The following SLIT3 variants were observed in gnomAD, a reference collection of about 807,000 sequenced individuals.
The protein encoded by SLIT3 is slit homolog 3 protein.
A neutral mutation model predicts 184.0 loss-of-function variants in SLIT3; 68 were observed. The observed-to-expected ratio is 0.37, with a 90% confidence interval of 0.30 to 0.45. SLIT3 has a LOEUF of 0.45. Ranked by LOEUF, SLIT3 falls within the 20% of genes least tolerant of loss-of-function variation. The pLI, the probability that SLIT3 is intolerant of heterozygous loss-of-function variation, is 1.00. For synonymous variants in SLIT3, 831 were observed against 828.6 expected (o/e 1.00, Z -0.05); for missense variants, 1,707 against 2,026.0 (o/e 0.84, Z 3.02).
chr5:168,898,482 C>G (rs941534509), intron 4 of SLIT3, among the ~76,000 whole-genome samples: 1 of 151,202 alleles, frequency 6.6e-6, no homozygotes, highest in Non-Finnish European at 1.5e-5. Context: ...ATGGTCCTGG[C>G]TTAGCATATC....
At chr5:169,108,169 T>C (rs1050951222) in intron 4 of SLIT3, among the ~76,000 whole-genome samples, 7 of 152,194 alleles carry the variant, frequency 4.6e-5, no homozygotes, top group Admixed American at 3.9e-4. Flanking sequence ...TCAATGAACA[T>C]GCAGAGTAAA....
intron 4 of SLIT3, among the ~76,000 whole-genome samples, chr5:169,136,910 TG>T (rs1761522793): frequency 6.6e-6 from 1 of 152,166 alleles, no homozygotes; most frequent in Non-Finnish European, 1.5e-5. Context: ...AAAATAGAGA[TG>T]GGGTCTCCCT....
intron 26 of SLIT3, among the ~76,000 whole-genome samples, chr5:168,702,665 T>C (rs190584656): frequency 1.1e-3 from 155 of 137,394 alleles, no homozygotes; most frequent in African/African-American, 4.3e-3. Context: ...GGCAGCTCCA[T>C]AAATAATAGC....
At chr5:168,860,437 G>C (rs1042745953) in intron 5 of SLIT3, among the ~76,000 whole-genome samples, 2 of 152,070 alleles carry the variant, frequency 1.3e-5, no homozygotes, top group Non-Finnish European at 2.9e-5. Flanking sequence ...GGCCTAATGG[G>C]GAGGGATTGA....
intron 3 of SLIT3, among the ~76,000 whole-genome samples, chr5:169,227,620 G>A (rs552051665): frequency 9.9e-5 from 15 of 152,224 alleles, no homozygotes; most frequent in African/African-American, 3.4e-4. Flanking sequence ...TAGAGGCAGG[G>A]TTTCACCGTG....
chr5:168,778,135 G>A (rs1755824528), intron 12 of SLIT3, among the ~76,000 whole-genome samples: 1 of 152,202 alleles, frequency 6.6e-6, no homozygotes, highest in Non-Finnish European at 1.5e-5. Flanking sequence ...TGTAACTGCT[G>A]TGTGAAATGA....
intron 8 of SLIT3, among the ~76,000 whole-genome samples, chr5:168,813,154 T>G (rs1301581572): frequency 6.6e-6 from 1 of 152,130 alleles, no homozygotes; most frequent in Non-Finnish European, 1.5e-5. Flanking sequence ...TTCAAAGACA[T>G]TCAAAGCAAA....
intron 2 of SLIT3, among the ~76,000 whole-genome samples, chr5:169,249,378 G>A (rs1290909098): frequency 1.3e-5 from 2 of 152,194 alleles, no homozygotes; most frequent in Non-Finnish European, 2.9e-5. Context: ...AAGATAAACT[G>A]TAGTCAAAGG....
At chr5:168,950,681 G>A (rs1051847340) in intron 4 of SLIT3, among the ~76,000 whole-genome samples, 3 of 152,178 alleles carry the variant, frequency 2.0e-5, no homozygotes, top group Non-Finnish European at 2.9e-5. Flanking sequence ...ATAATAAAGA[G>A]GGGGAAAACC....
intron 4 of SLIT3, among the ~76,000 whole-genome samples, chr5:169,159,556 A>T (rs1031408024): frequency 1.3e-5 from 2 of 150,776 alleles, no homozygotes; most frequent in Non-Finnish European, 3.0e-5. Context: ...TGGGCGGATC[A>T]CAAGGTCAGC....
rs180768404 is a variant in SLIT3 at position 169,228,351 on chromosome 5, G to A, written c.341+16354C>T. ...TGCCATTTAAGAGAGATTTTCTAAA[G>A]TCACCAAAGCAGGAGAACATACTCT... is the stretch of plus-strand genomic sequence containing the variant. On this transcript the variant is annotated intron_variant, in intron 3 of 35. Transcript: ENST00000519560. Among the ~76,000 whole-genome samples, 485 of 152,186 alleles carry A rather than the reference G, an allele frequency of 3.2e-3. 11 individuals carry two copies. The highest frequency in any genetic ancestry group is 0.03 in the Admixed American group (453 of 15,286).
chr5:169,011,863 G>A (rs1202277537), intron 4 of SLIT3, among the ~76,000 whole-genome samples: 3 of 151,738 alleles, frequency 2.0e-5, no homozygotes, highest in South Asian at 2.1e-4. Context: ...GAAGCCCCCT[G>A]TATAGCACTG....
At chr5:169,139,020 T>C (rs925991380) in intron 4 of SLIT3, among the ~76,000 whole-genome samples, 5 of 152,196 alleles carry the variant, frequency 3.3e-5, no homozygotes, top group African/African-American at 1.2e-4. Context: ...CCCTCTTTTC[T>C]CAGCTTCCTG....
At chr5:168,764,828 G>A (rs1755282258) in intron 14 of SLIT3, among the ~76,000 whole-genome samples, 1 of 152,130 alleles carries the variant, frequency 6.6e-6, no homozygotes, top group African/African-American at 2.4e-5. Flanking sequence ...CTGGTTCATT[G>A]TATTATGCAA....
intron 4 of SLIT3, among the ~76,000 whole-genome samples, chr5:169,191,404 A>G (rs111590600): frequency 7.9e-5 from 12 of 152,308 alleles, no homozygotes; most frequent in African/African-American, 2.6e-4. Context: ...AATTTACCTC[A>G]GTGCTTGTTG....
intron 16 of SLIT3, among the ~76,000 whole-genome samples, chr5:168,757,064 T>C (rs1240033261): frequency 6.6e-6 from 1 of 152,170 alleles, no homozygotes; most frequent in East Asian, 1.9e-4. Flanking sequence ...CAGCAGTAGC[T>C]GAAGGACAGA....
At chr5:169,146,780 T>G (rs1254341001) in intron 4 of SLIT3, among the ~76,000 whole-genome samples, 2 of 152,228 alleles carry the variant, frequency 1.3e-5, no homozygotes, top group Non-Finnish European at 2.9e-5. Flanking sequence ...TGCACATATA[T>G]TTGCCTAGCT....
chr5:169,096,510 GTAAA>G (rs1432413813), intron 4 of SLIT3, among the ~76,000 whole-genome samples: 1 of 152,208 alleles, frequency 6.6e-6, no homozygotes, highest in Non-Finnish European at 1.5e-5. Flanking sequence ...CCATAGATAT[GTAAA>G]TAAGTGAGTG....
intron 3 of SLIT3, among the ~76,000 whole-genome samples, chr5:169,225,676 T>C (rs1214698559): frequency 2.0e-5 from 3 of 151,974 alleles, no homozygotes; most frequent in Non-Finnish European, 4.4e-5. Flanking sequence ...TGTTTTGAGC[T>C]GAAAAATGAA....
Sources: allele counts gnomAD v4.1 joint callset (sites outside exome capture counted in the v4.1 genomes callset), GRCh38; gene constraint gnomAD v4.1.1; transcripts MANE v1.5; gene names NCBI Gene and HGNC (gene_info 2026-07-23, HGNC 2026-07-21).